Variants in RIMS3 observed in about 807,000 individuals in gnomAD.
RIMS3 encodes the protein regulating synaptic membrane exocytosis protein 3.
A neutral mutation model predicts 29.2 loss-of-function variants in RIMS3; 15 were observed. The ratio of observed to expected loss-of-function variants is 0.51; its 90% confidence interval spans 0.34 to 0.79. The LOEUF (loss-of-function observed/expected upper bound fraction) is 0.79. Among genes scored for constraint, RIMS3 ranks in the 30% least tolerant of loss-of-function variants. The pLI, the probability that RIMS3 is intolerant of heterozygous loss-of-function variation, is 0.01. For missense variants in RIMS3, 342 were observed against 421.4 expected (o/e 0.81, Z 1.65); for synonymous variants, 161 against 170.1 (o/e 0.95, Z 0.41).
At chr1:40,649,927 C>T (rs1056999940) in intron 1 of RIMS3, among the ~76,000 whole-genome samples, 1 of 152,122 alleles carries the variant, frequency 6.6e-6, no homozygotes, top group Non-Finnish European at 1.5e-5. Flanking sequence ...TGTAGGAAGG[C>T]AATACAGACT....
At position 40,636,151 on chromosome 1, in the gene RIMS3, A is replaced by C. The variant is rs1646518305; in HGVS notation, c.218-94T>G. ...GTCCTGCCAAAGTCACTCTCTTGGC[A>C]TGGGGGGTTGATGGGGAGGATGAGC... On this transcript the variant is annotated intron_variant, in intron 3 of 7. Transcript: ENST00000372684. The surrounding 1 kb of genome is among the most constrained non-coding windows in gnomAD (Gnocchi z 4.2). 1 of 1,502,688 alleles carries C rather than the reference A, an allele frequency of 6.7e-7. No individual in the cohort carries two copies. Among genetic ancestry groups the C allele is most frequent in the African/African-American group, 1.4e-5 (1 of 73,114 alleles). 93.1% of individuals were successfully genotyped at this position (1,502,688 alleles called of 1,614,324 possible).
At chr1:40,644,090 CCTT>C (rs1312544429) in intron 2 of RIMS3, among the ~76,000 whole-genome samples, 3 of 152,130 alleles carry the variant, frequency 2.0e-5, no homozygotes, top group African/African-American at 4.8e-5. Context: ...CTCTCTCTGT[CCTT>C]CTCTTTCCTA....
At chr1:40,670,574 T>TATATATATATATATATATATA (rs1642479702), upstream of RIMS3, among the ~76,000 whole-genome samples, 1 of 71,210 alleles carries the variant, frequency 1.4e-5, no homozygotes, top group Non-Finnish European at 2.4e-5. Context: ...AGTTATAATT[T>TATATATATATATATATATATA]TATATATATA....
chr1:40,672,231 C>T, the RIMS3 span, among the ~76,000 whole-genome samples: 5 of 135,718 alleles, frequency 3.7e-5, no homozygotes, highest in South Asian at 2.3e-4. Context: ...CGGAGTCTCG[C>T]TCTTTCACCC....
chr1:40,633,038 C>G (rs200744679), intron 5 of RIMS3, 31 bp downstream of exon 5: 142 of 1,563,552 alleles, frequency 9.1e-5, no homozygotes, highest in South Asian at 4.4e-4. Context: ...GTCACCATTA[C>G]CCCACTCAAC....
chr1:40,657,248 C>T (rs1642285660), intron 1 of RIMS3, among the ~76,000 whole-genome samples: 4 of 152,204 alleles, frequency 2.6e-5, no homozygotes, highest in Admixed American at 2.6e-4. Context: ...CTTTTCTACT[C>T]TACCTGCATC....
intron 3 of RIMS3, among the ~76,000 whole-genome samples, chr1:40,638,194 C>T (rs1646532798): frequency 6.6e-6 from 1 of 152,162 alleles, no homozygotes; most frequent in Non-Finnish European, 1.5e-5. Flanking sequence ...GGGACTAGAT[C>T]AGGCCCACAG....
chr1:40,681,141 A>G, the RIMS3 span, among the ~76,000 whole-genome samples: 2 of 152,198 alleles, frequency 1.3e-5, no homozygotes, highest in Admixed American at 6.6e-5. Flanking sequence ...TCTTAAAACC[A>G]AAAACAAACC....
intron 1 of RIMS3, among the ~76,000 whole-genome samples, chr1:40,652,475 C>CA (rs1642185597): frequency 6.6e-6 from 1 of 152,118 alleles, no homozygotes. Flanking sequence ...TGGGGGAGAC[C>CA]AGAAAAGGCA....
At chr1:40,670,609 T>TATATATA (rs55692608), upstream of RIMS3, among the ~76,000 whole-genome samples, 48 of 135,728 alleles carry the variant, frequency 3.5e-4, no homozygotes, top group East Asian at 1.1e-3. Flanking sequence ...TATATATATA[T>TATATATA]TTGAGATGGA....
Position 40,633,211 on chromosome 1 carries a change from G to A in RIMS3, c.360-30C>T, listed in dbSNP as rs199551148. The A allele has an allele frequency of 5.8e-5, 91 of 1,567,324 alleles. No homozygotes were observed. In the East Asian group the frequency reaches 7.8e-4, roughly 14 times the overall value. On this transcript the variant is annotated intron_variant, in intron 4 of 7. Transcript: ENST00000372684. The stretch of plus-strand genomic sequence containing the variant: ...AGGAGGAGGCAGAGGGACGCGTGAG[G>A]GGGTCAGGGCAACCTGAGGATGAAA...
At chr1:40,632,668 C>T (rs960594229) in intron 5 of RIMS3, among the ~76,000 whole-genome samples, 5 of 151,628 alleles carry the variant, frequency 3.3e-5, no homozygotes, top group African/African-American at 1.2e-4. Flanking sequence ...TGGTTGAATC[C>T]ACAAACACAG....
At chr1:40,687,809 C>T in the RIMS3 span, among the ~76,000 whole-genome samples, 1 of 152,040 alleles carries the variant, frequency 6.6e-6, no homozygotes, top group African/African-American at 2.4e-5. Context: ...TTAGTGGCTG[C>T]CTACATGTCT....
rs539262187 is a variant in RIMS3 at position 40,644,910 on chromosome 1, T to C, written c.-32+2758A>G. On this transcript the variant is annotated intron_variant, in intron 2 of 7. Coordinates refer to ENST00000372684, the MANE Select transcript of RIMS3 (RefSeq NM_014747.3). ...AAGGACACAGAAAGGGGAGGGAGAA[T>C]GGGTGAAAGAGGAAAAGCACCATTG... Among the ~76,000 whole-genome samples the C allele has an allele frequency of 1.4e-4, 22 of 152,182 alleles. No individual in the cohort carries two copies. The South Asian group carries it at 4.2e-3, about 29-fold the overall frequency.
chr1:40,640,972 T>TA (rs1335797933), intron 3 of RIMS3, among the ~76,000 whole-genome samples: 6 of 152,224 alleles, frequency 3.9e-5, no homozygotes, highest in Non-Finnish European at 8.8e-5. Flanking sequence ...TCCCTGGAAA[T>TA]ACGGGCAGCT....
intron 1 of RIMS3, among the ~76,000 whole-genome samples, chr1:40,656,263 T>G (rs1005698244): frequency 9.2e-5 from 14 of 152,206 alleles, no homozygotes; most frequent in Admixed American, 5.9e-4. Context: ...AAAAATAAAT[T>G]GACACTTTTA....
chr1:40,664,294 C>A (rs922382331), intron 1 of RIMS3, among the ~76,000 whole-genome samples: 1 of 152,118 alleles, frequency 6.6e-6, no homozygotes, highest in Non-Finnish European at 1.5e-5. Flanking sequence ...ACCCACATGC[C>A]CCCAGGGACA....
chr1:40,661,155 C>T (rs532320327), intron 1 of RIMS3, among the ~76,000 whole-genome samples: 6 of 152,164 alleles, frequency 3.9e-5, no homozygotes, highest in African/African-American at 1.4e-4. Flanking sequence ...GATAGCTGTG[C>T]GACTTTGGCT....
chr1:40,675,011 A>G, the RIMS3 span, among the ~76,000 whole-genome samples: 82 of 152,322 alleles, frequency 5.4e-4, 1 homozygote, highest in African/African-American at 1.9e-3. Flanking sequence ...ACAAAACCCC[A>G]GAACTTCGAG....
Sources: gnomAD v4.1 joint callset for allele counts (sites outside exome capture counted in the v4.1 genomes callset) on GRCh38, gnomAD v4.1.1 for gene constraint, Gnocchi (gnomAD v3.1) non-coding constraint, MANE v1.5 for transcripts, NCBI Gene and HGNC (gene_info 2026-07-23, HGNC 2026-07-21) for gene names.